Variants in MTUS2 observed in about 807,000 individuals in gnomAD.
The protein encoded by MTUS2 is microtubule associated scaffold protein 2.
MTUS2 carries 40 observed loss-of-function variants against 114.1 expected under a neutral mutation model. The ratio of observed to expected loss-of-function variants is 0.35; its 90% CI spans 0.27 to 0.46. The LOEUF is 0.46. MTUS2 is among the 20% of genes least tolerant of loss of function. The pLI, the probability that MTUS2 is intolerant of heterozygous loss-of-function variation, is 1.00. For synonymous variants in MTUS2, 688 were observed against 672.0 expected (o/e 1.02, Z -0.37); for missense variants, 1,679 against 1,705.4 (o/e 0.98, Z 0.27).
intron 5 of MTUS2, among the ~76,000 whole-genome samples, chr13:29,247,651 G>C (rs1896975223): frequency 6.6e-6 from 1 of 152,126 alleles, no homozygotes; most frequent in Non-Finnish European, 1.5e-5. Context: ...ACGAAAAAAT[G>C]CTCATCATCA....
At chr13:29,261,728 CT>C (rs1593235275) in intron 5 of MTUS2, among the ~76,000 whole-genome samples, 1 of 152,194 alleles carries the variant, frequency 6.6e-6, no homozygotes, top group Admixed American at 6.5e-5. Context: ...AACTTCCACA[CT>C]AAGCATATAA....
chr13:29,501,090 T>C lies in MTUS2; in HGVS notation c.3799-7T>C. Reference sequence around the variant, plus strand: ...CTAGAACCTCTTAAACACTGTTTCCTTTGTAGGCAGAAAAGAACATTATCC... The same window carrying C: ...CTAGAACCTCTTAAACACTGTTTCCCTTGTAGGCAGAAAAGAACATTATCC... On this transcript the variant is annotated splice_region_variant and splice_polypyrimidine_tract_variant and intron_variant, in intron 14 of 15. Coordinates refer to ENST00000612955, the MANE Select transcript of MTUS2 (RefSeq NM_001033602.4). 6.2e-7 allele frequency: 1 copy of C among 1,613,442 alleles called. No individual in the cohort carries two copies. The highest frequency in any genetic ancestry group is 1.3e-5 in the African/African-American group (1 of 75,002).
At chr13:28,947,032 C>G (rs938978857) in intron 2 of MTUS2, among the ~76,000 whole-genome samples, 11 of 152,122 alleles carry the variant, frequency 7.2e-5, no homozygotes, top group Non-Finnish European at 4.4e-5. Context: ...CATTACAGCC[C>G]AGATGTAGAG....
intron 2 of MTUS2, among the ~76,000 whole-genome samples, chr13:28,991,431 C>T (rs944748088): frequency 6.8e-6 from 1 of 147,504 alleles, no homozygotes; most frequent in African/African-American, 2.5e-5. Context: ...TGCAGTGGTG[C>T]GATCTTGGCT....
rs369684822 is a variant in MTUS2 at position 29,024,857 on chromosome 13, A to G, written c.159A>G (p.Thr53=). Reference sequence around the variant, plus strand: ...GCTCCTCTCATGACGAGTCCAAGACATGTGACCTGGGAGATGAAATTGGAA... The same window carrying G: ...GCTCCTCTCATGACGAGTCCAAGACGTGTGACCTGGGAGATGAAATTGGAA... The part of the protein sequence containing the change: ...EVSSSHDESK[T]CDLGDEIGNT... The change falls in exon 3 of 16, where the codon ACA becomes ACG. Residue 53 remains threonine, a synonymous_variant. Coordinates refer to ENST00000612955, the MANE Select transcript of MTUS2 (RefSeq NM_001033602.4). 9.3e-6 allele frequency: 15 copies of G among 1,614,044 alleles called. No individual in the cohort carries two copies. Among genetic ancestry groups the G allele is most frequent in the Middle Eastern group, 1.6e-4 (1 of 6,062 alleles).
At chr13:29,338,419 T>A (rs1345956643) in intron 7 of MTUS2, among the ~76,000 whole-genome samples, 1 of 130,794 alleles carries the variant, frequency 7.6e-6, no homozygotes. Flanking sequence ...AAACCCAGTC[T>A]CTATTAAAAT....
chr13:29,002,420 A>G (rs3895287), intron 2 of MTUS2, among the ~76,000 whole-genome samples: 3,358 of 152,310 alleles, frequency 0.022, 49 homozygotes, highest in East Asian at 0.052. Context: ...ACCCATATAT[A>G]CTATATACTA....
intron 8 of MTUS2, among the ~76,000 whole-genome samples, chr13:29,406,808 T>G (rs1874790146): frequency 1.0e-5 from 1 of 96,946 alleles, no homozygotes; most frequent in South Asian, 3.0e-4. Context: ...TATATAAATA[T>G]CATGCTGTAA....
At chr13:29,130,489 A>G (rs898646178) in intron 5 of MTUS2, among the ~76,000 whole-genome samples, 3 of 152,104 alleles carry the variant, frequency 2.0e-5, no homozygotes, top group Non-Finnish European at 4.4e-5. Flanking sequence ...GGCCTGCTCA[A>G]CTGCCCACAT....
intron 9 of MTUS2, among the ~76,000 whole-genome samples, chr13:29,463,976 A>G (rs73446137): frequency 0.022 from 3,366 of 151,860 alleles, 110 homozygotes; most frequent in African/African-American, 0.073. Context: ...CATGGGTGAC[A>G]GATGAGACTG....
chr13:29,166,646 A>G (rs1893328438), intron 5 of MTUS2, among the ~76,000 whole-genome samples: 1 of 152,230 alleles, frequency 6.6e-6, no homozygotes, highest in Non-Finnish European at 1.5e-5. Flanking sequence ...AGCTGTTTGC[A>G]TTGGTAGTTT....
chr13:29,126,490 A>G (rs1157501850), intron 5 of MTUS2, among the ~76,000 whole-genome samples: 1 of 152,174 alleles, frequency 6.6e-6, no homozygotes, highest in Admixed American at 6.5e-5. Flanking sequence ...ATCCAAAGCT[A>G]AAGTAATTTC....
In MTUS2 at chr13:29,234,985, T is replaced by C. The variant is rs1896478904; in HGVS notation, c.2645-46719T>C. ...CTAATCAAGCTGTCAGTTGATCATTTAATTTAATGCATATTGTTAATGATA... is the reference window on the plus strand; with the variant it reads ...CTAATCAAGCTGTCAGTTGATCATTCAATTTAATGCATATTGTTAATGATA... On this transcript the variant is annotated intron_variant, in intron 5 of 15. Coordinates refer to ENST00000612955, the MANE Select transcript of MTUS2 (RefSeq NM_001033602.4). 3.3e-5 allele frequency among the ~76,000 whole-genome samples: 5 copies of C among 152,324 alleles called. No homozygotes were observed. In the South Asian group the frequency reaches 1.0e-3, roughly 32 times the overall value.
chr13:29,394,257 A>G (rs561002710), intron 8 of MTUS2, among the ~76,000 whole-genome samples: 1 of 152,266 alleles, frequency 6.6e-6, no homozygotes, highest in South Asian at 2.1e-4. Flanking sequence ...ATTTTTATAC[A>G]TTTTAGGGGG....
intron 2 of MTUS2, among the ~76,000 whole-genome samples, chr13:28,843,741 C>T (rs1875666106): frequency 6.6e-6 from 1 of 152,200 alleles, no homozygotes; most frequent in South Asian, 2.1e-4. Context: ...AGGAATTAAA[C>T]CTGTGATCTG....
chr13:28,973,051 C>A (rs993253248), intron 2 of MTUS2, among the ~76,000 whole-genome samples: 1 of 152,048 alleles, frequency 6.6e-6, no homozygotes, highest in African/African-American at 2.4e-5. Flanking sequence ...AGTGGACATA[C>A]ACTCTGTATG....
intron 5 of MTUS2, among the ~76,000 whole-genome samples, chr13:29,230,208 T>C (rs562367796): frequency 6.6e-6 from 1 of 152,248 alleles, no homozygotes; most frequent in East Asian, 1.9e-4. Context: ...ATCACGCCAC[T>C]GCGCCCCAGC....
At chr13:29,073,708 T>C (rs770586826) in intron 4 of MTUS2, among the ~76,000 whole-genome samples, 1 of 152,330 alleles carries the variant, frequency 6.6e-6, no homozygotes, top group Middle Eastern at 3.4e-3. Flanking sequence ...CTCACTTTGC[T>C]GATCACGGGG....
chr13:29,319,334 G>T (rs1478071579), intron 6 of MTUS2, among the ~76,000 whole-genome samples: 1 of 152,164 alleles, frequency 6.6e-6, no homozygotes, highest in Admixed American at 6.5e-5. Flanking sequence ...CCCCAGGGGG[G>T]ACTTCAACCG....
Sources: allele counts gnomAD v4.1 joint callset (sites outside exome capture counted in the v4.1 genomes callset), GRCh38; gene constraint gnomAD v4.1.1; transcripts MANE v1.5; gene names NCBI Gene and HGNC (gene_info 2026-07-23, HGNC 2026-07-21).